The following TAF15 variants were observed in gnomAD, a reference collection of about 807,000 sequenced individuals.
TAF15 encodes the protein TATA-binding protein-associated factor 2N.
TAF15 carries 37 observed loss-of-function variants against 102.5 expected under a neutral mutation model. The observed-to-expected ratio is 0.36, with a 90% CI of 0.28 to 0.47. The LOEUF is 0.47. Among genes scored for constraint, TAF15 ranks in the 20% least tolerant of loss-of-function variants. TAF15 has a pLI of 0.99. For synonymous variants in TAF15, 273 were observed against 259.2 expected, an observed-to-expected ratio of 1.05 and a Z score of -0.51; for missense variants, 652 against 760.7, an observed-to-expected ratio of 0.86 and a Z score of 1.68.
At chr17:35,817,020 A>AT in intron 1 of TAF15, 1 of 152,078 alleles carries the variant, frequency 6.6e-6, no homozygotes, top group Non-Finnish European at 1.5e-5. Flanking sequence ...GGGTTTCGCC[A>AT]TGTTGGCTGG....
At chr17:35,816,635 A>G (rs778843107) in intron 1 of TAF15, 1 of 150,580 alleles carries the variant, frequency 6.6e-6, no homozygotes, top group Non-Finnish European at 1.5e-5. Context: ...AAAGCGTTTC[A>G]TAAAATCTGC....
intron 7 of TAF15, among the ~76,000 whole-genome samples, chr17:35,830,740 T>C (rs1187021147): frequency 1.3e-5 from 2 of 152,236 alleles, no homozygotes; most frequent in African/African-American, 2.4e-5. Context: ...ACCAAATGTC[T>C]AGACATTTTA....
At chr17:35,829,649 AAAAAAAAGAG>A (rs897655023) in intron 7 of TAF15, among the ~76,000 whole-genome samples, 19 of 148,014 alleles carry the variant, frequency 1.3e-4, no homozygotes, top group African/African-American at 4.6e-4. Flanking sequence ...AAAAAAAAAA[AAAAAAAAGAG>A]AGAGAGAGAC....
chr17:35,831,644 G>GT (rs2143795287), intron 7 of TAF15, among the ~76,000 whole-genome samples: 1 of 152,238 alleles, frequency 6.6e-6, no homozygotes, highest in East Asian at 1.9e-4. Flanking sequence ...TGGCAACAAA[G>GT]TAAGAGGCAT....
At chr17:35,844,196 G>A (rs2087581495) in intron 13 of TAF15, 38 bp downstream of exon 13, 1 of 1,612,744 alleles carries the variant, frequency 6.2e-7, no homozygotes. Context: ...GTAGGGGTTG[G>A]GATTGGGGCT....
rs2087603351 is a variant in TAF15, at chr17:35,844,898, A to T, written c.1599A>T (p.Gly533=). The change falls in exon 15 of 16, where the codon GGA becomes GGT. Residue 533 remains glycine (G), a synonymous_variant. Transcript: ENST00000605844. ...ACAGAAGCCGGGGGGGCTATGGAGG[A>T]GACCGTGGTGGTGGCAGTGGCTACG... ...GGDRSRGGYG[G]DRGGGSGYGG... 6.2e-7 allele frequency: 1 copy of T among 1,611,152 alleles called. No individual in the cohort carries two copies. Among genetic ancestry groups the T allele is most frequent in the African/African-American group, 1.4e-5 (1 of 73,918 alleles).
intron 11 of TAF15, among the ~76,000 whole-genome samples, chr17:35,840,280 C>G (rs1332070235): frequency 8.8e-6 from 1 of 114,284 alleles, no homozygotes; most frequent in African/African-American, 3.4e-5. Flanking sequence ...GAGACTGAGT[C>G]TTGCTCTGTT....
At chr17:35,813,479 A>G (rs2087151907) in intron 1 of TAF15, among the ~76,000 whole-genome samples, 1 of 152,080 alleles carries the variant, frequency 6.6e-6, no homozygotes, top group Non-Finnish European at 1.5e-5. Context: ...TACAAAATAC[A>G]AAAAAGATCA....
At chr17:35,831,435 TG>T (rs2087404614) in intron 7 of TAF15, among the ~76,000 whole-genome samples, 1 of 151,280 alleles carries the variant, frequency 6.6e-6, no homozygotes, top group Non-Finnish European at 1.5e-5. Context: ...GATGTTCAAA[TG>T]TATTATATGG....
At position 35,839,486 on chromosome 17, in the gene TAF15, A is replaced by G. The variant is rs1344068996; in HGVS notation, c.913+933A>G. Among the ~76,000 whole-genome samples, 11 of 136,856 alleles carry G rather than the reference A, an allele frequency of 8.0e-5. No individual in the cohort carries two copies. The Admixed American group carries it at 8.9e-4, about 11-fold the overall frequency. 89.8% of individuals were successfully genotyped at this position (136,856 alleles called of 152,430 possible). A position where few individuals can be genotyped will look rare whatever the true frequency, so the allele number is the denominator to read the frequency against. On this transcript the variant is annotated intron_variant, in intron 11 of 15. Transcript: ENST00000605844. Reference sequence around the variant, plus strand: ...AGGCTCCGCCTCCCGGGTTCACACCATTCTCCTGCCTCAGCCTCCCCAGTA... The same window carrying G: ...AGGCTCCGCCTCCCGGGTTCACACCGTTCTCCTGCCTCAGCCTCCCCAGTA...
intron 12 of TAF15, 122 bp downstream of exon 12, chr17:35,842,581 A>G: frequency 4.0e-6 from 3 of 758,976 alleles, no homozygotes; most frequent in South Asian, 1.5e-5. Flanking sequence ...TTTTCCCTCT[A>G]TCTTAAAATG....
chr17:35,829,447 A>G (rs1034487485), intron 7 of TAF15, among the ~76,000 whole-genome samples: 2 of 151,118 alleles, frequency 1.3e-5, no homozygotes, highest in Non-Finnish European at 3.0e-5. Flanking sequence ...CCTGGCTAAC[A>G]TGGTGAAACT....
At position 35,834,605 on chromosome 17, in the gene TAF15, T is replaced by A; in HGVS notation, c.673+7T>A. On this transcript the variant is annotated splice_region_variant and intron_variant, in intron 9 of 15. Coordinates refer to ENST00000605844, the MANE Select transcript of TAF15 (RefSeq NM_139215.3). Reference sequence around the variant, plus strand: ...GGACCCAGAACAGATGCTGGTAAGGTTTATGGTGGTTTGTCACTTTGCCAT... The same window carrying A: ...GGACCCAGAACAGATGCTGGTAAGGATTATGGTGGTTTGTCACTTTGCCAT... 1 of 1,613,550 alleles carries A rather than the reference T, an allele frequency of 6.2e-7. No individual in the cohort carries two copies. The highest frequency in any genetic ancestry group is 2.2e-5 in the East Asian group (1 of 44,862).
chr17:35,822,919 T>C, intron 6 of TAF15, 86 bp downstream of exon 6: 1 of 1,528,952 alleles, frequency 6.5e-7, no homozygotes, highest in Non-Finnish European at 9.0e-7. Context: ...ACAGAGGATT[T>C]CACCTGTTTG....
At chr17:35,817,629 A>T (rs1272454037) in intron 1 of TAF15, 87 bp from the exon 2 acceptor site, 3 of 1,165,416 alleles carry the variant, frequency 2.6e-6, no homozygotes, top group East Asian at 2.4e-5. Flanking sequence ...ACATTTTCTT[A>T]CCACATTTCT....
chr17:35,810,686 C>T (rs2087114703), intron 1 of TAF15: 1 of 152,216 alleles, frequency 6.6e-6, no homozygotes, highest in Non-Finnish European at 1.5e-5. Flanking sequence ...AAGGCCAAAC[C>T]TGCCTAGTGT....
At chr17:35,822,597 T>G (rs905637218) in intron 5 of TAF15, 43 bp from the exon 6 acceptor site, 1 of 1,585,120 alleles carries the variant, frequency 6.3e-7, no homozygotes, top group Non-Finnish European at 8.6e-7. Context: ...ACAGCAAATG[T>G]AATCTTCCTA....
chr17:35,826,521 G>A (rs1174279751), intron 7 of TAF15, among the ~76,000 whole-genome samples: 3 of 151,472 alleles, frequency 2.0e-5, no homozygotes, highest in Non-Finnish European at 4.4e-5. Context: ...TTCCAGTAAA[G>A]CTTCATTTAT....
At chr17:35,835,129 T>C (rs1278425199) in intron 9 of TAF15, among the ~76,000 whole-genome samples, 1 of 152,218 alleles carries the variant, frequency 6.6e-6, no homozygotes, top group Non-Finnish European at 1.5e-5. Flanking sequence ...GTTTGTGCTT[T>C]CCCATATTCT....
Sources: gnomAD v4.1 joint callset for allele counts (sites outside exome capture counted in the v4.1 genomes callset) on GRCh38, gnomAD v4.1.1 for gene constraint, MANE v1.5 for transcripts, NCBI Gene and HGNC (gene_info 2026-07-23, HGNC 2026-07-21) for gene names.